Variants in EPS15L1 observed in about 807,000 individuals in gnomAD.
The protein encoded by EPS15L1 is epidermal growth factor receptor pathway substrate 15 like 1.
A neutral mutation model predicts 117.1 loss-of-function variants in EPS15L1; 43 were observed. The observed-to-expected ratio is 0.37, with a 90% CI of 0.29 to 0.47. EPS15L1 has a LOEUF of 0.47. EPS15L1 is among the 20% of genes least tolerant of loss of function. The pLI is 0.99. For missense variants in EPS15L1, 981 were observed against 1,164.0 expected, an observed-to-expected ratio of 0.84 and a Z score of 2.29; for synonymous variants, 459 against 470.5, an observed-to-expected ratio of 0.98 and a Z score of 0.32.
chr19:16,412,960 A>C, intron 13 of EPS15L1: 1 of 668,318 alleles, frequency 1.5e-6, no homozygotes, highest in South Asian at 1.4e-5. Flanking sequence ...CCGCCCATCA[A>C]GGAATCTGAG....
At chr19:16,360,650 G>C (rs973557570) in intron 23 of EPS15L1, among the ~76,000 whole-genome samples, 3 of 152,150 alleles carry the variant, frequency 2.0e-5, no homozygotes, top group African/African-American at 7.2e-5. Flanking sequence ...AGGAGGCCAA[G>C]ACAGGAGGAT....
intron 5 of EPS15L1, 80 bp downstream of exon 5, chr19:16,437,690 T>C: frequency 3.2e-6 from 3 of 925,954 alleles, no homozygotes; most frequent in Non-Finnish European, 5.2e-6. Context: ...GAAATATACA[T>C]GCACATACAC....
intron 22 of EPS15L1, among the ~76,000 whole-genome samples, chr19:16,362,904 G>C (rs748658702): frequency 2.0e-5 from 3 of 152,158 alleles, no homozygotes; most frequent in Non-Finnish European, 4.4e-5. Context: ...CTGCCAAGCA[G>C]GGAACTCCAG....
chr19:16,357,572 G>A lies in EPS15L1; in HGVS notation c.2587-1721C>T, dbSNP rs528266125. ...GAGAGGAGGGCCAGATGGCAGGGCT[G>A]GGGGGACTGGGCAAGGTGCAGGAGC... is the stretch of plus-strand genomic sequence containing the variant. On this transcript the variant is annotated intron_variant, in intron 23 of 23. Coordinates refer to ENST00000455140, the MANE Select transcript of EPS15L1 (RefSeq NM_001258374.3). 3.6e-4 allele frequency: 55 copies of A among 153,398 alleles called. No individual in the cohort carries two copies. In the South Asian group the frequency reaches 3.9e-3, roughly 11 times the overall value. The allele number at this position is 153,398 out of a possible 1,614,324, so 9.5% of individuals were successfully genotyped here.
At chr19:16,425,620 A>G (rs1488065645) in intron 8 of EPS15L1, among the ~76,000 whole-genome samples, 2 of 152,210 alleles carry the variant, frequency 1.3e-5, no homozygotes, top group Non-Finnish European at 2.9e-5. Context: ...GCACCTTCCC[A>G]GTACTGGATT....
intron 21 of EPS15L1, among the ~76,000 whole-genome samples, chr19:16,380,919 T>C (rs1232601544): frequency 6.6e-6 from 1 of 152,216 alleles, no homozygotes; most frequent in African/African-American, 2.4e-5. Flanking sequence ...TATGGCTGCC[T>C]CGGACCTTGT....
chr19:16,454,576 T>C (rs956650427), intron 1 of EPS15L1, among the ~76,000 whole-genome samples: 3 of 152,170 alleles, frequency 2.0e-5, no homozygotes, highest in South Asian at 2.1e-4. Flanking sequence ...AATGAGTGCC[T>C]TGTGAGACCA....
At position 16,404,443 on chromosome 19, in the gene EPS15L1, A is replaced by G; in HGVS notation, c.1428+145T>C. 1.1e-6 allele frequency: 1 copy of G among 910,722 alleles called. No homozygotes were observed. Among genetic ancestry groups the G allele is most frequent in the Non-Finnish European group, 1.6e-6 (1 of 611,854 alleles). The allele number at this position is 910,722 out of a possible 1,614,324, so 56.4% of individuals were successfully genotyped here. A position where few individuals can be genotyped will look rare whatever the true frequency, so the allele number is the denominator to read the frequency against. On this transcript the variant is annotated intron_variant, in intron 14 of 23. Coordinates refer to ENST00000455140, the MANE Select transcript of EPS15L1 (RefSeq NM_001258374.3). This position sits in a 1 kb window ranked among gnomAD's most constrained non-coding sequence, Gnocchi z 4.2. ...GAAGTCAAGCCACAGGTGCTTGGACACTTTTCCACGTGGTGTTTGGAGGAA... is the reference window on the plus strand; with the variant it reads ...GAAGTCAAGCCACAGGTGCTTGGACGCTTTTCCACGTGGTGTTTGGAGGAA...
chr19:16,438,335 AAG>A, intron 4 of EPS15L1, among the ~76,000 whole-genome samples: 1 of 152,220 alleles, frequency 6.6e-6, no homozygotes, highest in Middle Eastern at 3.4e-3. Context: ...GCTGGGCAAA[AAG>A]AGCAAAACTC....
At chr19:16,356,240 G>A (rs1568382708) in intron 23 of EPS15L1, 1 of 226,674 alleles carries the variant, frequency 4.4e-6, no homozygotes, top group South Asian at 1.1e-4. Context: ...CTGCACTCTG[G>A]GAATGTGGTA....
At chr19:16,418,365 C>A (rs1269961555) in intron 10 of EPS15L1, among the ~76,000 whole-genome samples, 3 of 152,312 alleles carry the variant, frequency 2.0e-5, no homozygotes, top group Admixed American at 6.5e-5. Context: ...GGAGCCGACC[C>A]CCTGGGAAAA....
intron 23 of EPS15L1, chr19:16,361,529 C>T (rs1239787235): frequency 2.5e-6 from 3 of 1,180,064 alleles, no homozygotes; most frequent in Non-Finnish European, 3.2e-6. Context: ...CAGATAGGTC[C>T]CGCCTCCCTG....
At chr19:16,398,683 G>A (rs974824986) in intron 16 of EPS15L1, among the ~76,000 whole-genome samples, 9 of 152,188 alleles carry the variant, frequency 5.9e-5, no homozygotes, top group African/African-American at 9.6e-5. Flanking sequence ...ATCTCACTAC[G>A]TTGCCCAGGC....
At position 16,405,631 on chromosome 19, in the gene EPS15L1, T is replaced by C. The variant is rs2092648397; in HGVS notation, c.1267-882A>G. Among the ~76,000 whole-genome samples the C allele has an allele frequency of 2.0e-5, 3 of 152,226 alleles. No homozygotes were observed. The South Asian group carries it at 6.2e-4, about 31-fold the overall frequency. ...ACAGCCCACACTGTGGGACGCTCCTTGGCCATGGAACGGGATGGCGCCGTG... is the reference window on the plus strand; with the variant it reads ...ACAGCCCACACTGTGGGACGCTCCTCGGCCATGGAACGGGATGGCGCCGTG... On this transcript the variant is annotated intron_variant, in intron 13 of 23. Coordinates refer to ENST00000455140, the MANE Select transcript of EPS15L1 (RefSeq NM_001258374.3). This position sits in a 1 kb window ranked among gnomAD's most constrained non-coding sequence, Gnocchi z 4.0.
intron 21 of EPS15L1, among the ~76,000 whole-genome samples, chr19:16,380,897 C>T (rs147758033): frequency 3.5e-4 from 54 of 152,340 alleles, no homozygotes; most frequent in African/African-American, 1.2e-3. Flanking sequence ...TATTTGCGTC[C>T]CGTCACAGAG....
intron 10 of EPS15L1, among the ~76,000 whole-genome samples, chr19:16,420,667 T>C (rs73511124): frequency 1.1e-3 from 167 of 152,376 alleles, no homozygotes; most frequent in African/African-American, 3.8e-3. Context: ...TTCCTTTTGA[T>C]AGCTCCCAAG....
At chr19:16,392,573 A>G (rs2092489371) in intron 18 of EPS15L1, 133 bp from the exon 19 acceptor site, 1 of 878,538 alleles carries the variant, frequency 1.1e-6, no homozygotes, top group Admixed American at 2.6e-5. Context: ...GGAAAACAGG[A>G]TAATGGTGGC....
intron 13 of EPS15L1, among the ~76,000 whole-genome samples, chr19:16,408,741 G>A (rs1046974481): frequency 1.3e-5 from 2 of 152,060 alleles, no homozygotes; most frequent in Non-Finnish European, 2.9e-5. Context: ...GATGGAGGAT[G>A]CCCATTTCCT....
intron 8 of EPS15L1, among the ~76,000 whole-genome samples, chr19:16,426,290 CA>C (rs1298972900): frequency 6.6e-6 from 1 of 152,224 alleles, no homozygotes; most frequent in Non-Finnish European, 1.5e-5. Flanking sequence ...ACCTGGCAGC[CA>C]GGCCCAGGCC....
Sources: gnomAD v4.1 joint callset for allele counts (sites outside exome capture counted in the v4.1 genomes callset) on GRCh38, gnomAD v4.1.1 for gene constraint, Gnocchi (gnomAD v3.1) non-coding constraint, MANE v1.5 for transcripts, NCBI Gene and HGNC (gene_info 2026-07-23, HGNC 2026-07-21) for gene names.